PDE4D: variants seen among roughly 807,000 people sequenced by gnomAD.
PDE4D encodes 3',5'-cyclic-AMP phosphodiesterase 4D.
In PDE4D, 24 loss-of-function variants were observed where a neutral mutation model predicts 87.4. That is an observed-to-expected ratio of 0.27 (90% confidence interval 0.20 to 0.39). The LOEUF is 0.39. Among genes scored for constraint, PDE4D ranks in the 10% least tolerant of loss-of-function variants. PDE4D has a pLI of 1.00. For missense variants in PDE4D, 714 were observed against 1,041.0 expected (o/e 0.69, Z 4.32); for synonymous variants, 384 against 383.2 (o/e 1.00, Z -0.02).
intron 1 of PDE4D, among the ~76,000 whole-genome samples, chr5:60,269,376 T>G (rs1455792509): frequency 6.6e-6 from 1 of 152,238 alleles, no homozygotes; most frequent in Non-Finnish European, 1.5e-5. Flanking sequence ...CTCTGCTACA[T>G]TCCACATTTT....
chr5:60,179,058 A>G (rs1045265560), intron 2 of PDE4D, among the ~76,000 whole-genome samples: 3 of 152,180 alleles, frequency 2.0e-5, no homozygotes, highest in Non-Finnish European at 4.4e-5. Flanking sequence ...AGTCCAGACT[A>G]CCTGAGTAGG....
intron 1 of PDE4D, among the ~76,000 whole-genome samples, chr5:59,764,085 T>C (rs1442127524): frequency 6.6e-6 from 1 of 152,124 alleles, no homozygotes; most frequent in African/African-American, 2.4e-5. Context: ...CAGTAGTATC[T>C]CTCATTTCTG....
chr5:59,146,489 CA>C (rs1216111397), intron 5 of PDE4D, among the ~76,000 whole-genome samples: 1 of 151,616 alleles, frequency 6.6e-6, no homozygotes, highest in Non-Finnish European at 1.5e-5. Flanking sequence ...GGAAGTGCCA[CA>C]TTCTCAAAGC....
chr5:60,426,557 G>A (rs563561713), intron 1 of PDE4D, among the ~76,000 whole-genome samples: 2 of 152,128 alleles, frequency 1.3e-5, no homozygotes, highest in Non-Finnish European at 2.9e-5. Flanking sequence ...GGGATGGATA[G>A]CATTAGGAGA....
intron 1 of PDE4D, among the ~76,000 whole-genome samples, chr5:59,400,786 T>A (rs531911016): frequency 6.6e-6 from 1 of 152,132 alleles, no homozygotes; most frequent in Non-Finnish European, 1.5e-5. Context: ...AGTTTAGCAT[T>A]TACCAACTGC....
At chr5:59,037,799 G>A in intron 6 of PDE4D, among the ~76,000 whole-genome samples, 1 of 151,390 alleles carries the variant, frequency 6.6e-6, no homozygotes, top group Non-Finnish European at 1.5e-5. Flanking sequence ...TGTAAAAACT[G>A]CATGAGAACA....
At chr5:60,199,163 T>C (rs1236936468) in intron 1 of PDE4D, among the ~76,000 whole-genome samples, 1 of 151,762 alleles carries the variant, frequency 6.6e-6, no homozygotes, top group Non-Finnish European at 1.5e-5. Context: ...CAGCAAGATG[T>C]GAATTGTGAC....
At chr5:60,161,210 C>T (rs912780710) in intron 2 of PDE4D, among the ~76,000 whole-genome samples, 4 of 152,082 alleles carry the variant, frequency 2.6e-5, no homozygotes, top group Admixed American at 2.6e-4. Context: ...GTTGTCTCTA[C>T]CTCATACTAT....
intron 5 of PDE4D, among the ~76,000 whole-genome samples, chr5:59,154,503 G>C (rs772097409): frequency 2.0e-5 from 3 of 152,154 alleles, no homozygotes; most frequent in Admixed American, 6.6e-5. Flanking sequence ...ATTCAGGGGA[G>C]AGTTGGTGAG....
In PDE4D at chr5:59,771,420, A is replaced by C. The variant is rs1183729086; in HGVS notation, c.455+121748T>G. Among the ~76,000 whole-genome samples, 3 of 136,886 alleles carry C rather than the reference A, an allele frequency of 2.2e-5. No individual in the cohort carries two copies. In the East Asian group the frequency reaches 6.2e-4, roughly 28 times the overall value. 89.8% of individuals were successfully genotyped at this position (136,886 alleles called of 152,430 possible). On this transcript the variant is annotated intron_variant, in intron 1 of 14. Coordinates refer to ENST00000340635, the MANE Select transcript of PDE4D (RefSeq NM_001104631.2). ...GAGACTCCATCTCAAAAAGAAGGAA[A>C]GAAAGAAAAAGAAAAAGAAAGAAAG...
At chr5:59,860,397 C>T (rs545078227) in intron 1 of PDE4D, among the ~76,000 whole-genome samples, 56 of 152,258 alleles carry the variant, frequency 3.7e-4, no homozygotes, top group Admixed American at 5.9e-4. Flanking sequence ...GTAGTCTTCA[C>T]CTTGTTCCAC....
intron 1 of PDE4D, among the ~76,000 whole-genome samples, chr5:59,520,634 G>C (rs1389084539): frequency 6.6e-6 from 1 of 151,690 alleles, no homozygotes; most frequent in African/African-American, 2.4e-5. Flanking sequence ...TAAGATGATA[G>C]GAAAGAGGCC....
intron 1 of PDE4D, among the ~76,000 whole-genome samples, chr5:60,468,032 T>C (rs1465971820): frequency 1.3e-5 from 2 of 152,204 alleles, no homozygotes; most frequent in South Asian, 2.1e-4. Context: ...CCTATGATAA[T>C]ACCTTGTAGA....
rs1326594619 is a variant in PDE4D, at chr5:60,180,396, T to G, written c.42+5161A>C. On this transcript the variant is annotated intron_variant, in intron 2 of 16. Transcript: ENST00000502484. ...AGCACATTATTCACAGCTCAAAATA[T>G]CCCTACTAAACAGGGTGCCCACAAC... Among the ~76,000 whole-genome samples, 4 of 152,074 alleles carry G rather than the reference T, an allele frequency of 2.6e-5. No homozygotes were observed. In the East Asian group the frequency reaches 7.7e-4, roughly 29 times the overall value.
intron 1 of PDE4D, among the ~76,000 whole-genome samples, chr5:59,497,252 C>A (rs1255303105): frequency 6.6e-6 from 1 of 151,270 alleles, no homozygotes; most frequent in African/African-American, 2.5e-5. Flanking sequence ...TGAGAAGGAA[C>A]CAGCACAAGA....
intron 1 of PDE4D, among the ~76,000 whole-genome samples, chr5:59,751,999 T>A (rs1347008419): frequency 1.3e-5 from 2 of 152,226 alleles, no homozygotes; most frequent in Admixed American, 1.3e-4. Context: ...ATCTCACTCA[T>A]GAGGTCTTAA....
At chr5:59,111,439 A>G (rs966091402) in intron 5 of PDE4D, among the ~76,000 whole-genome samples, 1 of 152,152 alleles carries the variant, frequency 6.6e-6, no homozygotes, top group African/African-American at 2.4e-5. Flanking sequence ...GCTATTTAGG[A>G]TCCCACTTTC....
chr5:59,700,464 A>G (rs1467835170), intron 1 of PDE4D, among the ~76,000 whole-genome samples: 1 of 152,222 alleles, frequency 6.6e-6, no homozygotes, highest in Non-Finnish European at 1.5e-5. Context: ...CTATCTCTTC[A>G]TGATTCACAT....
intron 1 of PDE4D, among the ~76,000 whole-genome samples, chr5:59,810,041 T>C (rs550936813): frequency 3.9e-4 from 60 of 152,232 alleles, no homozygotes; most frequent in Non-Finnish European, 7.8e-4. Flanking sequence ...CTATTATGTT[T>C]TAGAAACCCA....
Sources: gnomAD v4.1 joint callset for allele counts (sites outside exome capture counted in the v4.1 genomes callset) on GRCh38, gnomAD v4.1.1 for gene constraint, MANE v1.5 for transcripts, NCBI Gene and HGNC (gene_info 2026-07-23, HGNC 2026-07-21) for gene names.